The following TEC variants were observed in gnomAD, a reference collection of about 807,000 sequenced individuals.
TEC encodes the protein tyrosine-protein kinase Tec.
Under a neutral mutation model 93.0 loss-of-function variants are expected in TEC, and 72 were observed. The observed-to-expected ratio is 0.77, with a 90% CI of 0.64 to 0.94. The LOEUF is 0.94. Among genes scored for constraint, TEC ranks in the 40% least tolerant of loss-of-function variants. The probability of loss-of-function intolerance (pLI) is 0.00; values close to 1 mark genes in which losing one functional copy is unlikely to be tolerated. For synonymous variants in TEC, 249 were observed against 247.7 expected (o/e 1.01, Z -0.05); for missense variants, 630 against 757.9 (o/e 0.83, Z 1.98).
chr4:48,192,162 T>G (rs954171258), intron 2 of TEC, among the ~76,000 whole-genome samples: 1 of 152,216 alleles, frequency 6.6e-6, no homozygotes, highest in African/African-American at 2.4e-5. Flanking sequence ...AATGGAGTAC[T>G]TCACAGTAAT....
At chr4:48,192,466 C>T (rs1722126991) in intron 2 of TEC, among the ~76,000 whole-genome samples, 1 of 152,092 alleles carries the variant, frequency 6.6e-6, no homozygotes, top group Non-Finnish European at 1.5e-5. Context: ...AATGTGAAAA[C>T]TCATCAAATA....
Position 48,136,554 on chromosome 4 carries a change from T to C in TEC, c.*862A>G, listed in dbSNP as rs1019463148. ...GTTTAATTTTCCATCTGATTCTGAT[T>C]AGCTGCGGCCACCATGGGCAGGATT... On this transcript the variant is annotated 3_prime_UTR_variant, in exon 18 of 18. Transcript: ENST00000381501. 6.6e-6 allele frequency: 1 copy of C among 152,230 alleles called. No individual in the cohort carries two copies. Among genetic ancestry groups the C allele is most frequent in the Non-Finnish European group, 1.5e-5 (1 of 68,066 alleles). The allele number at this position is 152,230 out of a possible 1,614,324, so 9.4% of individuals were successfully genotyped here. A position where few individuals can be genotyped will look rare whatever the true frequency, so the allele number is the denominator to read the frequency against.
At chr4:48,249,668 C>T (rs1187559574) in intron 1 of TEC, among the ~76,000 whole-genome samples, 1 of 152,170 alleles carries the variant, frequency 6.6e-6, no homozygotes, top group Non-Finnish European at 1.5e-5. Context: ...GATTTAAGCC[C>T]TGCTTCTTGA....
intron 4 of TEC, 81 bp from the exon 5 acceptor site, chr4:48,170,457 T>A (rs1721054841): frequency 1.0e-6 from 1 of 986,240 alleles, no homozygotes; most frequent in Non-Finnish European, 1.5e-6. Flanking sequence ...TGTCGATCAT[T>A]ACTTATTTCT....
chr4:48,189,234 A>C (rs2058928886), intron 2 of TEC, among the ~76,000 whole-genome samples: 1 of 152,188 alleles, frequency 6.6e-6, no homozygotes, highest in Admixed American at 6.5e-5. Context: ...TTGAATTCTA[A>C]CATTCCTTGA....
chr4:48,240,622 G>A (rs1355682213), intron 1 of TEC, among the ~76,000 whole-genome samples: 2 of 152,014 alleles, frequency 1.3e-5, no homozygotes, highest in Admixed American at 1.3e-4. Context: ...TTCCCTCTAT[G>A]TCCTTTCCAT....
intron 7 of TEC, among the ~76,000 whole-genome samples, chr4:48,167,381 C>T (rs1720911129): frequency 6.6e-6 from 1 of 151,968 alleles, no homozygotes; most frequent in Admixed American, 6.6e-5. Flanking sequence ...TGTATGCATA[C>T]ACACACGCAC....
At chr4:48,185,285 T>C (rs527513706) in intron 2 of TEC, among the ~76,000 whole-genome samples, 1 of 152,276 alleles carries the variant, frequency 6.6e-6, no homozygotes, top group African/African-American at 2.4e-5. Flanking sequence ...CTTTTCCCTT[T>C]CCACTCAGAA....
In TEC at chr4:48,237,723, T is replaced by C. The variant is rs531976774; in HGVS notation, c.-45-9064A>G. On this transcript the variant is annotated intron_variant, in intron 1 of 17. Coordinates refer to ENST00000381501, the MANE Select transcript of TEC (RefSeq NM_003215.3). ...TATAATTCAATTTAATACTTGGTGA[T>C]GTCCTCATATTATTAAAACTTAGTT... Among the ~76,000 whole-genome samples, 5 of 152,376 alleles carry C rather than the reference T, an allele frequency of 3.3e-5. No homozygotes were observed. In the South Asian group the frequency reaches 1.0e-3, roughly 32 times the overall value.
chr4:48,185,982 G>C (rs372712315), intron 2 of TEC, among the ~76,000 whole-genome samples: 2 of 152,140 alleles, frequency 1.3e-5, no homozygotes, highest in Admixed American at 6.5e-5. Context: ...CTCAGCCTGC[G>C]GAGTGCCTGG....
intron 1 of TEC, among the ~76,000 whole-genome samples, chr4:48,245,906 T>C (rs1724040898): frequency 6.6e-6 from 1 of 151,864 alleles, no homozygotes; most frequent in Admixed American, 6.6e-5. Context: ...AGATCAGGAG[T>C]TTGAGACCGG....
At chr4:48,220,099 T>C (rs73246006) in intron 2 of TEC, among the ~76,000 whole-genome samples, 16,274 of 151,132 alleles carry the variant, frequency 0.11, 932 homozygotes, top group South Asian at 0.18. Flanking sequence ...CATACATAAA[T>C]CCTAAATTTA....
At chr4:48,235,239 C>T (rs552098283) in intron 1 of TEC, among the ~76,000 whole-genome samples, 1 of 152,222 alleles carries the variant, frequency 6.6e-6, no homozygotes, top group South Asian at 2.1e-4. Flanking sequence ...TCCCTTAAAG[C>T]TTCAGTTTGA....
intron 3 of TEC, among the ~76,000 whole-genome samples, chr4:48,174,892 T>C (rs1217907219): frequency 6.6e-6 from 1 of 152,234 alleles, no homozygotes; most frequent in Non-Finnish European, 1.5e-5. Flanking sequence ...GCTATTTATA[T>C]ATCACATCAG....
chr4:48,137,485 C>T lies in TEC; in HGVS notation c.1827G>A (p.Arg609=). Residue 609 remains arginine, a synonymous_variant, in exon 18 of 18, where the codon AGG becomes AGA. Coordinates refer to ENST00000381501, the MANE Select transcript of TEC (RefSeq NM_003215.3). ...LRCWQEKPEG[R]PSFEDLLRTI... ...TGCGCAGCAGATCTTCGAAAGAAGG[C>T]CTTCCCTCTGGTTTCTACAATTAAA... The T allele has an allele frequency of 1.2e-6, 2 of 1,614,040 alleles. No homozygotes were observed. The highest frequency in any genetic ancestry group is 1.7e-6 in the Non-Finnish European group (2 of 1,179,984).
intron 2 of TEC, among the ~76,000 whole-genome samples, chr4:48,187,157 G>T (rs1404684095): frequency 6.6e-6 from 1 of 152,198 alleles, no homozygotes; most frequent in African/African-American, 2.4e-5. Flanking sequence ...TCTGAAACAT[G>T]TGCTGTGTCC....
chr4:48,181,378 A>C (rs956398830), intron 2 of TEC, among the ~76,000 whole-genome samples: 3 of 152,110 alleles, frequency 2.0e-5, no homozygotes, highest in Non-Finnish European at 4.4e-5. Context: ...GGCTGCGGAA[A>C]AAAAGGATTG....
At chr4:48,216,733 A>G (rs977197070) in intron 2 of TEC, among the ~76,000 whole-genome samples, 1 of 152,178 alleles carries the variant, frequency 6.6e-6, no homozygotes, top group African/African-American at 2.4e-5. Context: ...TTTGCTTAAA[A>G]CTCAACTTTC....
intron 1 of TEC, among the ~76,000 whole-genome samples, chr4:48,236,971 T>C (rs550490979): frequency 5.3e-5 from 8 of 152,312 alleles, no homozygotes; most frequent in Non-Finnish European, 7.4e-5. Flanking sequence ...ATTGTACATA[T>C]CAAAACATCA....
Sources: gnomAD v4.1 joint callset for allele counts (sites outside exome capture counted in the v4.1 genomes callset) on GRCh38, gnomAD v4.1.1 for gene constraint, MANE v1.5 for transcripts, NCBI Gene and HGNC (gene_info 2026-07-23, HGNC 2026-07-21) for gene names.